Variants in ACYP1 observed in about 807,000 individuals in gnomAD.
ACYP1 encodes acylphosphatase-1.
Under a neutral mutation model 10.4 loss-of-function variants are expected in ACYP1, and 8 were observed. The observed-to-expected ratio is 0.77, with a 90% CI of 0.45 to 1.38. The LOEUF is 1.38. Ranked by LOEUF, ACYP1 falls within the 40% of genes most tolerant of loss-of-function variation. The pLI, the probability that ACYP1 is intolerant of heterozygous loss-of-function variation, is 0.00. For missense variants in ACYP1, 93 were observed against 117.3 expected, an observed-to-expected ratio of 0.79 and a Z score of 0.96; for synonymous variants, 38 against 40.8, an observed-to-expected ratio of 0.93 and a Z score of 0.26.
chr14:75,060,056 G>A, intron 2 of ACYP1: 1 of 445,274 alleles, frequency 2.2e-6, no homozygotes, highest in Non-Finnish European at 4.0e-6. Flanking sequence ...ATGTGCTTAA[G>A]ACCACTGAAT....
At chr14:75,067,182 T>TAC (rs60274425), upstream of ACYP1, among the ~76,000 whole-genome samples, 1,866 of 147,264 alleles carry the variant, frequency 0.013, 18 homozygotes, top group Middle Eastern at 0.021. Context: ...TGTCTGGAAC[T>TAC]ACACACACAC....
upstream of ACYP1, among the ~76,000 whole-genome samples, chr14:75,064,665 T>G (rs1893112867): frequency 6.6e-6 from 1 of 151,774 alleles, no homozygotes; most frequent in Non-Finnish European, 1.5e-5. Flanking sequence ...ACCTGGGAGG[T>G]GGAGGCTGCA....
rs141306313 is a variant in ACYP1, at chr14:75,057,764, C to T, written c.85-4105G>A. Among the ~76,000 whole-genome samples the T allele has an allele frequency of 3.1e-3, 464 of 149,438 alleles. 6 individuals carry two copies. Among genetic ancestry groups the T allele is most frequent in the East Asian group, 0.021 (106 of 5,028 alleles). On this transcript the variant is annotated intron_variant, in intron 2 of 2. Transcript: ENST00000238618. Reference sequence around the variant, plus strand: ...TGGGGGGATCATGAGGTCAGGAGTTCGAGATCAGCCTGGCCAAGACGGTGA... The same window carrying T: ...TGGGGGGATCATGAGGTCAGGAGTTTGAGATCAGCCTGGCCAAGACGGTGA...
rs901902303 is a variant in ACYP1, at chr14:75,063,625, C to A, written c.-8-64G>T. 2.3e-6 allele frequency: 3 copies of A among 1,332,146 alleles called. No homozygotes were observed. The South Asian group carries it at 3.6e-5, about 16-fold the overall frequency. 82.5% of individuals were successfully genotyped at this position (1,332,146 alleles called of 1,614,324 possible). A position where few individuals can be genotyped will look rare whatever the true frequency, so the allele number is the denominator to read the frequency against. ...TATTCCAGGACCCGCAAGCCTGAGT[C>A]AGAAAGGGCCACACCCACCCCTGTC... On this transcript the variant is annotated intron_variant, in intron 1 of 2. Transcript: ENST00000238618.
chr14:75,059,498 TCAA>T (rs1251828687), intron 2 of ACYP1, among the ~76,000 whole-genome samples: 1 of 152,136 alleles, frequency 6.6e-6, no homozygotes, highest in Non-Finnish European at 1.5e-5. Context: ...ACAGACACTA[TCAA>T]GAAATTAAAA....
chr14:75,057,990 A>AAAAAAT (rs1491425220), intron 2 of ACYP1, among the ~76,000 whole-genome samples: 1 of 147,228 alleles, frequency 6.8e-6, no homozygotes, highest in East Asian at 2.0e-4. Context: ...AAAAAAAAAG[A>AAAAAAT]ACTACCTGCT....
intron 2 of ACYP1, chr14:75,059,761 G>C (rs957832869): frequency 6.6e-6 from 1 of 152,440 alleles, no homozygotes; most frequent in Non-Finnish European, 1.5e-5. Context: ...CATACAACAG[G>C]ATATTATTCC....
At chr14:75,065,571 G>C (rs765359633), upstream of ACYP1, among the ~76,000 whole-genome samples, 2 of 152,152 alleles carry the variant, frequency 1.3e-5, no homozygotes, top group Non-Finnish European at 2.9e-5. Flanking sequence ...TACGAATGGG[G>C]CACTCTAGGA....
Position 75,057,826 on chromosome 14 carries a change from G to A in ACYP1, c.85-4167C>T, listed in dbSNP as rs932925755. ...TTAAAAATACAAAAATTAGCCGGGC[G>A]CAGTGGTGGGTGCCTGTAATCCCAG... On this transcript the variant is annotated intron_variant, in intron 2 of 2. Coordinates refer to ENST00000238618, the MANE Select transcript of ACYP1 (RefSeq NM_001107.5). Among the ~76,000 whole-genome samples the A allele has an allele frequency of 4.0e-5, 6 of 150,156 alleles. 1 individual carries two copies. Among genetic ancestry groups the A allele is most frequent in the East Asian group, 1.9e-4 (1 of 5,138 alleles).
At chr14:75,060,046 A>G (rs1453459308) in intron 2 of ACYP1, 1 of 416,318 alleles carries the variant, frequency 2.4e-6, no homozygotes, top group African/African-American at 2.0e-5. Context: ...AACAATGTGA[A>G]TGTGCTTAAG....
exon 1 of ACYP1, chr14:75,069,264 C>T (rs1237159982): frequency 6.8e-7 from 1 of 1,470,602 alleles, no homozygotes; most frequent in Non-Finnish European, 8.9e-7. Flanking sequence ...AGCAGCCCCG[C>T]TCCCGCCAGG....
chr14:75,066,853 G>C (rs988451064), upstream of ACYP1, among the ~76,000 whole-genome samples: 4 of 151,670 alleles, frequency 2.6e-5, no homozygotes, highest in African/African-American at 9.7e-5. Context: ...CTGTCTCAAA[G>C]AAAAAAAGGA....
Position 75,053,549 on chromosome 14 carries a change from C to T in ACYP1, c.195G>A (p.Trp65Ter). ...ATTTAGGACTTCCTCTTGTTTCAAG[C>T]CATTCCTGCATATGACGCACCTTGG... The part of the protein sequence containing the change: ...PISKVRHMQE[W>*]LETRGSPKSH... Residue 65 changes from tryptophan (W) to a stop codon, truncating the protein, a stop_gained, in exon 3 of 3, where the codon TGG becomes TGA. Transcript: ENST00000238618. LOFTEE classifies it high-confidence loss of function. The T allele has an allele frequency of 1.2e-6, 2 of 1,614,192 alleles. No homozygotes were observed. The highest frequency in any genetic ancestry group is 1.7e-6 in the Non-Finnish European group (2 of 1,180,034).
chr14:75,061,359 T>C (rs1893011505), intron 2 of ACYP1, among the ~76,000 whole-genome samples: 1 of 152,124 alleles, frequency 6.6e-6, no homozygotes, highest in African/African-American at 2.4e-5. Context: ...TCTCTAGAAA[T>C]GAAGGAATTT....
chr14:75,063,322 A>C (rs1893074670), intron 2 of ACYP1, 148 bp downstream of exon 2: 1 of 651,824 alleles, frequency 1.5e-6, no homozygotes, highest in East Asian at 2.7e-5. Context: ...ATTGCACAGC[A>C]TTTTCATACT....
In ACYP1 at chr14:75,063,481, T is replaced by C. The variant is rs1893079857; in HGVS notation, c.73A>G (p.Lys25Glu). The change falls in exon 2 of 3, where the codon AAG (lysine) becomes GAG (glutamate). Residue 25 changes from lysine to glutamate, a missense_variant. Physicochemically the swap from Lys to Glu is moderately conservative, Grantham distance 56. Coordinates refer to ENST00000238618, the MANE Select transcript of ACYP1 (RefSeq NM_001107.5). ...FGKVQGVFFR[K>E]HTQAEGKKLG... ...TGCAGGCCACATACCTGAGTATGCT[T>C]ACGGAAAAACACCCCTTGCACCTTC... 6.2e-7 allele frequency: 1 copy of C among 1,613,634 alleles called. No individual in the cohort carries two copies. Among genetic ancestry groups the C allele is most frequent in the Non-Finnish European group, 8.5e-7 (1 of 1,179,804 alleles).
At chr14:75,060,227 T>C (rs1892983133) in intron 2 of ACYP1, 5 of 687,746 alleles carry the variant, frequency 7.3e-6, no homozygotes, top group Admixed American at 2.1e-5. Context: ...TTGGAGAACA[T>C]TCCTTGATTT....
intron 2 of ACYP1, 28 bp from the exon 3 acceptor site, chr14:75,053,687 C>T: frequency 6.3e-7 from 1 of 1,596,970 alleles, no homozygotes; most frequent in African/African-American, 1.3e-5. Context: ...AGAGAGAGAT[C>T]CAGTGAGATT....
intron 2 of ACYP1, among the ~76,000 whole-genome samples, chr14:75,056,711 G>A (rs1388114308): frequency 6.6e-6 from 1 of 151,292 alleles, no homozygotes; most frequent in Non-Finnish European, 1.5e-5. Context: ...TTTCAAGGTT[G>A]GTTCAATATA....
Sources: gnomAD v4.1 joint callset for allele counts (sites outside exome capture counted in the v4.1 genomes callset) on GRCh38, gnomAD v4.1.1 for gene constraint, MANE v1.5 for transcripts, NCBI Gene and HGNC (gene_info 2026-07-23, HGNC 2026-07-21) for gene names.